The following RANBP17 variants were observed in gnomAD, a reference collection of about 807,000 sequenced individuals.
RANBP17 encodes ran-binding protein 17.
RANBP17 carries 158 observed loss-of-function variants against 141.2 expected under a neutral mutation model. That is an observed-to-expected ratio of 1.12 (90% confidence interval 0.98 to 1.28). The LOEUF (loss-of-function observed/expected upper bound fraction) is 1.28. Among genes scored for constraint, RANBP17 ranks in the 50% most tolerant of loss-of-function variants. RANBP17 has a pLI of 0.00. For synonymous variants in RANBP17, 430 were observed against 450.0 expected, an observed-to-expected ratio of 0.96 and a Z score of 0.56; for missense variants, 1,438 against 1,290.7, an observed-to-expected ratio of 1.11 and a Z score of -1.75.
intron 5 of RANBP17, among the ~76,000 whole-genome samples, chr5:170,903,110 C>T (rs1469423778): frequency 6.6e-6 from 1 of 152,238 alleles, no homozygotes; most frequent in Non-Finnish European, 1.5e-5. Flanking sequence ...GCCGCCCCTT[C>T]CCCCAGGTGC....
At chr5:171,148,799 T>C (rs1251801984) in intron 14 of RANBP17, among the ~76,000 whole-genome samples, 1 of 152,208 alleles carries the variant, frequency 6.6e-6, no homozygotes, top group Non-Finnish European at 1.5e-5. Flanking sequence ...GTTAATGTGA[T>C]TGGTGTGATA....
intron 14 of RANBP17, among the ~76,000 whole-genome samples, chr5:171,002,234 A>G (rs934247036): frequency 6.6e-6 from 1 of 152,040 alleles, no homozygotes; most frequent in South Asian, 2.1e-4. Context: ...TGGTCCAAGA[A>G]CCATTTGCCT....
intron 14 of RANBP17, among the ~76,000 whole-genome samples, chr5:171,057,072 C>A (rs975077119): frequency 1.3e-5 from 2 of 152,082 alleles, no homozygotes; most frequent in Non-Finnish European, 2.9e-5. Flanking sequence ...ATCAGTATGA[C>A]CTTAAGGTAA....
intron 5 of RANBP17, among the ~76,000 whole-genome samples, chr5:170,902,659 A>T (rs891752788): frequency 6.6e-5 from 10 of 152,100 alleles, no homozygotes; most frequent in African/African-American, 2.4e-4. Flanking sequence ...TCGTGGATTT[A>T]TTTACCTTTG....
chr5:170,937,399 GC>G (rs1195727706), intron 12 of RANBP17, among the ~76,000 whole-genome samples: 1 of 152,092 alleles, frequency 6.6e-6, no homozygotes, highest in Non-Finnish European at 1.5e-5. Flanking sequence ...CTCACATTGG[GC>G]CTGTCCTAGG....
intron 12 of RANBP17, among the ~76,000 whole-genome samples, chr5:170,932,458 G>A (rs1254827998): frequency 1.3e-5 from 2 of 152,160 alleles, no homozygotes; most frequent in Non-Finnish European, 2.9e-5. Flanking sequence ...AATAGGAGTG[G>A]TGAGAGAGGG....
At chr5:171,095,090 C>T (rs1786587453) in intron 14 of RANBP17, among the ~76,000 whole-genome samples, 1 of 152,164 alleles carries the variant, frequency 6.6e-6, no homozygotes, top group South Asian at 2.1e-4. Context: ...TGCCAGCCTC[C>T]AGAACTGTGA....
intron 14 of RANBP17, among the ~76,000 whole-genome samples, chr5:171,125,296 C>CCAA (rs1554101917): frequency 2.3e-5 from 2 of 85,970 alleles, no homozygotes; most frequent in Non-Finnish European, 4.4e-5. Flanking sequence ...GACTATGTAT[C>CCAA]AAAAAAAAAA....
At position 171,251,767 on chromosome 5, in the gene RANBP17, G is replaced by A. The variant is rs1161680494; in HGVS notation, c.2776+8947G>A. ...GGTGGCCCCGTTCCCCTCCTCCCGC[G>A]CCCGCCCCCGCCTCTGTGATTGGGT... On this transcript the variant is annotated intron_variant, in intron 24 of 27. Coordinates refer to ENST00000523189, the MANE Select transcript of RANBP17 (RefSeq NM_022897.5). 6 of 969,710 alleles carry A rather than the reference G, an allele frequency of 6.2e-6. No homozygotes were observed. In the East Asian group the frequency reaches 7.6e-5, roughly 12 times the overall value. 60.1% of individuals were successfully genotyped at this position (969,710 alleles called of 1,614,324 possible).
intron 14 of RANBP17, among the ~76,000 whole-genome samples, chr5:171,011,999 T>C (rs1480839934): frequency 1.3e-5 from 2 of 151,602 alleles, no homozygotes; most frequent in Non-Finnish European, 3.0e-5. Flanking sequence ...TTCTGGTTAT[T>C]GCCTCAGTAA....
chr5:171,217,795 T>G lies in RANBP17; in HGVS notation c.2340-3963T>G, dbSNP rs368996343. On this transcript the variant is annotated intron_variant, in intron 21 of 27. Transcript: ENST00000523189. ...GCATCTATTTGATTCTTCTTCTTTA[T>G]TAGTCTAGCTAGTGGTCCATCTATT... 1.3e-3 allele frequency among the ~76,000 whole-genome samples: 194 copies of G among 152,312 alleles called. 9 individuals carry two copies. The South Asian group carries it at 0.039, about 30-fold the overall frequency.
intron 20 of RANBP17, among the ~76,000 whole-genome samples, chr5:171,212,392 G>A (rs1762953587): frequency 6.6e-6 from 1 of 152,190 alleles, no homozygotes; most frequent in African/African-American, 2.4e-5. Context: ...GGTAAAACTT[G>A]AGCTAGGTAT....
chr5:171,230,979 C>G (rs1430933713), intron 22 of RANBP17, among the ~76,000 whole-genome samples: 1 of 151,792 alleles, frequency 6.6e-6, no homozygotes, highest in African/African-American at 2.4e-5. Context: ...CTCTGTCACC[C>G]AGGCTGGAGT....
intron 14 of RANBP17, among the ~76,000 whole-genome samples, chr5:171,082,829 G>A (rs1284086773): frequency 6.6e-6 from 1 of 151,788 alleles, no homozygotes; most frequent in East Asian, 1.9e-4. Context: ...TGGATTTGGT[G>A]TGTAACCTTA....
chr5:171,217,626 G>T (rs1270162589), intron 21 of RANBP17, among the ~76,000 whole-genome samples: 1 of 152,114 alleles, frequency 6.6e-6, no homozygotes, highest in Non-Finnish European at 1.5e-5. Context: ...TCCTGGTTTA[G>T]TCTTGGGAAG....
chr5:171,195,077 C>G (rs1365714563), intron 18 of RANBP17, among the ~76,000 whole-genome samples: 2 of 152,172 alleles, frequency 1.3e-5, no homozygotes, highest in Non-Finnish European at 2.9e-5. Context: ...TTTATCTATA[C>G]ATGACTGAGA....
intron 25 of RANBP17, among the ~76,000 whole-genome samples, chr5:171,292,551 G>A (rs1335855280): frequency 2.6e-5 from 4 of 152,176 alleles, no homozygotes; most frequent in Admixed American, 6.5e-5. Context: ...TTCCAAACAA[G>A]CCAGGCCACC....
chr5:171,256,753 GATC>G (rs1198170509), intron 24 of RANBP17, among the ~76,000 whole-genome samples: 3 of 151,750 alleles, frequency 2.0e-5, no homozygotes, highest in African/African-American at 7.3e-5. Flanking sequence ...AAATATGAAA[GATC>G]ATCAGAGACT....
chr5:171,018,967 G>A (rs528900133), intron 14 of RANBP17, among the ~76,000 whole-genome samples: 1 of 152,136 alleles, frequency 6.6e-6, no homozygotes, highest in Non-Finnish European at 1.5e-5. Context: ...TTAACATGAA[G>A]GGATGTTGAA....
Sources: allele counts gnomAD v4.1 joint callset (sites outside exome capture counted in the v4.1 genomes callset), GRCh38; gene constraint gnomAD v4.1.1; transcripts MANE v1.5; gene names NCBI Gene and HGNC (gene_info 2026-07-23, HGNC 2026-07-21).